The following AK4 variants were observed in gnomAD, a reference collection of about 807,000 sequenced individuals.
The protein encoded by AK4 is adenylate kinase 4.
Under a neutral mutation model 24.6 loss-of-function variants are expected in AK4, and 13 were observed. That is an observed-to-expected ratio of 0.53 (90% CI 0.34 to 0.84). The LOEUF is 0.84. AK4 is among the 40% of genes least tolerant of loss of function. The pLI, the probability that AK4 is intolerant of heterozygous loss-of-function variation, is 0.01. For missense variants in AK4, 192 were observed against 288.2 expected (o/e 0.67, Z 2.42); for synonymous variants, 88 against 107.0 (o/e 0.82, Z 1.10).
At chr1:65,209,928 C>A (rs933779265) in intron 2 of AK4, among the ~76,000 whole-genome samples, 3 of 152,140 alleles carry the variant, frequency 2.0e-5, no homozygotes, top group African/African-American at 7.2e-5. Context: ...CTGCCTCAGC[C>A]TCCTGAGTAG....
intron 1 of AK4, among the ~76,000 whole-genome samples, chr1:65,171,540 C>G (rs1265534088): frequency 6.6e-6 from 1 of 151,836 alleles, no homozygotes; most frequent in Non-Finnish European, 1.5e-5. Context: ...CCCCTGACCT[C>G]CTGATCTGCC....
chr1:65,215,176 C>T lies in AK4; in HGVS notation c.266-3578C>T, dbSNP rs200835806. Among the ~76,000 whole-genome samples, 32 of 114,718 alleles carry T rather than the reference C, an allele frequency of 2.8e-4. No homozygotes were observed. In the East Asian group the frequency reaches 3.1e-3, roughly 11 times the overall value. 75.3% of individuals were successfully genotyped at this position (114,718 alleles called of 152,430 possible). A position where few individuals can be genotyped will look rare whatever the true frequency, so the allele number is the denominator to read the frequency against. On this transcript the variant is annotated intron_variant, in intron 2 of 4. Transcript: ENST00000327299. ...TTTCTTTTCTTTTCTTTCTTTCTTT[C>T]TTTTTTTTTTGTTTGAGGCGGAGTC... is the stretch of plus-strand genomic sequence containing the variant.
intron 1 of AK4, among the ~76,000 whole-genome samples, chr1:65,188,359 C>A (rs1170308957): frequency 6.8e-6 from 1 of 146,580 alleles, no homozygotes; most frequent in Non-Finnish European, 1.5e-5. Context: ...CACACTACTG[C>A]ATTCCAGCCT....
At chr1:65,159,234 G>T (rs539923962) in intron 1 of AK4, among the ~76,000 whole-genome samples, 1 of 152,262 alleles carries the variant, frequency 6.6e-6, no homozygotes, top group Non-Finnish European at 1.5e-5. Flanking sequence ...CATTTGCAGG[G>T]GGCGAAGCAA....
At chr1:65,154,269 G>A (rs1649897021) in intron 1 of AK4, among the ~76,000 whole-genome samples, 1 of 152,160 alleles carries the variant, frequency 6.6e-6, no homozygotes. Context: ...AGGTGATGGA[G>A]AGAAAGAAGT....
chr1:65,215,272 A>G (rs992669794), intron 2 of AK4, among the ~76,000 whole-genome samples: 3 of 150,398 alleles, frequency 2.0e-5, no homozygotes, highest in Non-Finnish European at 4.4e-5. Flanking sequence ...CCCGGGTTTC[A>G]TTGATTCTCC....
At chr1:65,176,766 C>T (rs1352930125) in intron 1 of AK4, among the ~76,000 whole-genome samples, 2 of 152,092 alleles carry the variant, frequency 1.3e-5, no homozygotes, top group Non-Finnish European at 2.9e-5. Context: ...TGTTGAGAGT[C>T]CTGTGGGCAG....
intron 1 of AK4, among the ~76,000 whole-genome samples, chr1:65,152,316 ATCTCTCTC>A (rs1158775260): frequency 0.02 from 646 of 32,394 alleles, 14 homozygotes; most frequent in East Asian, 0.032. Flanking sequence ...TGCACTTGCT[ATCTCTCTC>A]TCTCTCTCTC....
At chr1:65,155,861 G>A (rs1299060336) in intron 1 of AK4, among the ~76,000 whole-genome samples, 1 of 106,780 alleles carries the variant, frequency 9.4e-6, no homozygotes, top group Admixed American at 1.2e-4. Flanking sequence ...TAGTAGAGAC[G>A]GTTTCACCGT....
intron 2 of AK4, among the ~76,000 whole-genome samples, chr1:65,213,696 C>T (rs1474492911): frequency 6.6e-6 from 1 of 152,192 alleles, no homozygotes; most frequent in East Asian, 1.9e-4. Context: ...CCTCAAACTG[C>T]CCTGTGCAGT....
At position 65,187,853 on chromosome 1, in the gene AK4, C is replaced by T. The variant is rs563356768; in HGVS notation, c.146-2857C>T. On this transcript the variant is annotated intron_variant, in intron 1 of 4. Transcript: ENST00000327299. ...GAGTATGTAGCCAATAAATATAATACTAGTCAAATGAATGTGGCTTGTTCA... is the reference window on the plus strand; with the variant it reads ...GAGTATGTAGCCAATAAATATAATATTAGTCAAATGAATGTGGCTTGTTCA... Among the ~76,000 whole-genome samples the T allele has an allele frequency of 2.8e-3, 425 of 152,248 alleles. 2 individuals are homozygous for T. The highest frequency in any genetic ancestry group is 5.0e-3 in the Non-Finnish European group (341 of 68,012).
chr1:65,212,570 C>T (rs1012327019), intron 2 of AK4, among the ~76,000 whole-genome samples: 1 of 152,132 alleles, frequency 6.6e-6, no homozygotes, highest in Non-Finnish European at 1.5e-5. Context: ...CTCACTGCAG[C>T]CTCAACCTGC....
intron 2 of AK4, among the ~76,000 whole-genome samples, chr1:65,211,793 G>A (rs1651979055): frequency 6.6e-6 from 1 of 152,178 alleles, no homozygotes; most frequent in African/African-American, 2.4e-5. Context: ...CTTCTGGTAG[G>A]AATAGAAACA....
At chr1:65,170,322 C>G (rs1440548028) in intron 1 of AK4, among the ~76,000 whole-genome samples, 1 of 152,126 alleles carries the variant, frequency 6.6e-6, no homozygotes, top group East Asian at 1.9e-4. Flanking sequence ...GAGCCGAGAT[C>G]GCGCCACTGC....
At position 65,197,507 on chromosome 1, in the gene AK4, T is replaced by C. The variant is rs980660580; in HGVS notation, c.265+6678T>C. ...TTTGTCCATAGTTGTATTTAGAACC[T>C]GGTTTGTTTGTTTCATTCTGTGCAA... is the stretch of plus-strand genomic sequence containing the variant. On this transcript the variant is annotated intron_variant, in intron 2 of 4. Coordinates refer to ENST00000327299, the MANE Select transcript of AK4 (RefSeq NM_013410.4). Among the ~76,000 whole-genome samples the C allele has an allele frequency of 9.8e-5, 15 of 152,366 alleles. 3 individuals carry two copies. Among genetic ancestry groups the C allele is most frequent in the Admixed American group, 2.0e-4 (3 of 15,308 alleles).
chr1:65,150,606 C>T (rs995505124), intron 1 of AK4, among the ~76,000 whole-genome samples: 2 of 152,140 alleles, frequency 1.3e-5, no homozygotes, highest in African/African-American at 4.8e-5. Context: ...ATAAAACATT[C>T]CTTTCCACGG....
rs80244649 is a variant in AK4, at chr1:65,183,228, A to G, written c.146-7482A>G. Among the ~76,000 whole-genome samples, 627 of 151,758 alleles carry G rather than the reference A, an allele frequency of 4.1e-3. 5 individuals are homozygous for G. Among genetic ancestry groups the G allele is most frequent in the African/African-American group, 0.014 (591 of 41,368 alleles). On this transcript the variant is annotated intron_variant, in intron 1 of 4. Transcript: ENST00000327299. The stretch of plus-strand genomic sequence containing the variant: ...AGCCTTTTGTATTTTGGATCTTTAC[A>G]TATTTATTTATTTTTTCTTTCCTTT...
intron 1 of AK4, among the ~76,000 whole-genome samples, chr1:65,152,679 G>T (rs962594842): frequency 6.6e-6 from 1 of 151,804 alleles, no homozygotes; most frequent in South Asian, 2.1e-4. Flanking sequence ...GATTACAGGC[G>T]TGAGCCACCG....
chr1:65,207,091 G>GCA (rs1651834202), intron 2 of AK4, among the ~76,000 whole-genome samples: 2 of 152,218 alleles, frequency 1.3e-5, no homozygotes, highest in Non-Finnish European at 2.9e-5. Context: ...ATGCACACTT[G>GCA]TGGTTTAAAA....
Sources: allele counts gnomAD v4.1 joint callset (sites outside exome capture counted in the v4.1 genomes callset), GRCh38; gene constraint gnomAD v4.1.1; transcripts MANE v1.5; gene names NCBI Gene and HGNC (gene_info 2026-07-23, HGNC 2026-07-21).